The following HUWE1 variants were observed in gnomAD, a reference collection of about 807,000 sequenced individuals.
The protein encoded by HUWE1 is E3 ubiquitin-protein ligase HUWE1.
Under a neutral mutation model 299.4 loss-of-function variants are expected in HUWE1, and 18 were observed. The observed-to-expected ratio is 0.06, with a 90% CI of 0.04 to 0.09. The LOEUF (loss-of-function observed/expected upper bound fraction) is 0.09, where lower values mean the gene tolerates loss of function less well. Among genes scored for constraint, HUWE1 ranks in the 10% least tolerant of loss-of-function variants. The pLI, the probability that HUWE1 is intolerant of heterozygous loss-of-function variation, is 1.00. For missense variants in HUWE1, 1,832 were observed against 3,462.3 expected (o/e 0.53, Z 11.82); for synonymous variants, 1,317 against 1,286.1 (o/e 1.02, Z -0.51).
intron 67 of HUWE1, 30 bp from the exon 68 acceptor site, chrX:53,548,303 C>A (rs1556925216): frequency 8.3e-7 from 1 of 1,200,077 alleles, no homozygotes; most frequent in East Asian, 3.0e-5. Flanking sequence ...AAGGCTTGGT[C>A]TAGGACGTCT....
At chrX:53,646,365 C>T in intron 6 of HUWE1, among the ~76,000 whole-genome samples, 1 of 110,864 alleles carries the variant, frequency 9.0e-6, no homozygotes, top group South Asian at 3.9e-4. Context: ...ACTATGTTGC[C>T]CAGACTGGTC....
chrX:53,656,945 A>G (rs1244631942), intron 3 of HUWE1, among the ~76,000 whole-genome samples: 1 of 111,666 alleles, frequency 9.0e-6, no homozygotes, highest in Non-Finnish European at 1.9e-5. Flanking sequence ...TCAGTCAAGG[A>G]AAGATAGTTT....
Position 53,547,840 on chromosome X carries a change from G to A in HUWE1, c.10469C>T (p.Thr3490Ile). 1 of 1,200,415 alleles carries A rather than the reference G, an allele frequency of 8.3e-7. No individual in the cohort carries two copies. The highest frequency in any genetic ancestry group is 3.0e-5 in the East Asian group (1 of 33,518). ...ASSTTTATSTTSTTTTTAAST... is the reference protein window; with the variant it reads ...ASSTTTATSTISTTTTTAAST... The stretch of plus-strand genomic sequence containing the variant: ...GGCGGCAGTGGTGGTGGTGGTAGAT[G>A]TGGTTGAGGTGGCAGTGGTGGTGGA... Residue 3490 changes from threonine to isoleucine, a missense_variant, in exon 68 of 84, where the codon ACA becomes ATA. Physicochemically the swap from Thr to Ile is moderately conservative, Grantham distance 89. This residue lies in a region of HUWE1 where 119 missense variants were observed against 124.6 expected (regional missense o/e 0.96). Coordinates refer to ENST00000262854, the MANE Select transcript of HUWE1 (RefSeq NM_031407.7).
intron 74 of HUWE1, among the ~76,000 whole-genome samples, chrX:53,541,379 G>A (rs782596550): frequency 1.7e-4 from 19 of 111,057 alleles, no homozygotes; most frequent in Middle Eastern, 4.6e-3. Context: ...CTTGAGGTCA[G>A]GAGTTTGAAA....
chrX:53,614,792 GGGA>G (rs1365029203), intron 22 of HUWE1, 47 bp from the exon 23 acceptor site: 23 of 900,481 alleles, frequency 2.6e-5, no homozygotes, highest in East Asian at 1.3e-4. Flanking sequence ...TCATGGAATG[GGGA>G]GGAGGAGACA....
chrX:53,610,648 GT>G (rs1299049921), intron 23 of HUWE1, among the ~76,000 whole-genome samples: 1 of 111,667 alleles, frequency 9.0e-6, no homozygotes, highest in Non-Finnish European at 1.9e-5. Context: ...TGTATATGGG[GT>G]TTTTTGGGAT....
rs2061663207 is a variant in HUWE1, at chrX:53,549,068, C to T, written c.9926G>A (p.Arg3309His). The change falls in exon 67 of 84, where the codon CGT (arginine) becomes CAT (histidine). Residue 3309 changes from arginine to histidine, a missense_variant. Arg to His is a conservative substitution (Grantham distance 29). Transcript: ENST00000262854. ...NIFQIQRSGG[R>H]KHTEKHASGG... ...GCTTGCATGCTTCTCGGTATGTTTA[C>T]GCCCCCCTGAACGCTGGATCTGAAA... 2 of 1,211,123 alleles carry T rather than the reference C, an allele frequency of 1.7e-6. No individual in the cohort carries two copies. Among genetic ancestry groups the T allele is most frequent in the Non-Finnish European group, 2.2e-6 (2 of 894,943 alleles).
chrX:53,570,772 C>T lies in HUWE1; in HGVS notation c.6313-945G>A, dbSNP rs140835055. On this transcript the variant is annotated intron_variant, in intron 47 of 83. Coordinates refer to ENST00000262854, the MANE Select transcript of HUWE1 (RefSeq NM_031407.7). ...AATACACTGAACATTTTTGGAACTACATAGGTGACAGTTGCACAACACTGC... is the reference window on the plus strand; with the variant it reads ...AATACACTGAACATTTTTGGAACTATATAGGTGACAGTTGCACAACACTGC... Among the ~76,000 whole-genome samples, 418 of 112,162 alleles carry T rather than the reference C, an allele frequency of 3.7e-3. 2 individuals are homozygous for T. Among genetic ancestry groups the T allele is most frequent in the African/African-American group, 0.013 (401 of 30,914 alleles).
rs782181911 is a variant in HUWE1, at chrX:53,588,463, T to C, written c.4533A>G (p.Ser1511=). 9.9e-6 allele frequency: 12 copies of C among 1,206,564 alleles called. No homozygotes were observed. The East Asian group carries it at 1.8e-4, about 18-fold the overall frequency. The change falls in exon 37 of 84, where the codon TCA becomes TCG. Residue 1511 remains serine, a synonymous_variant. Coordinates refer to ENST00000262854, the MANE Select transcript of HUWE1 (RefSeq NM_031407.7). The part of the protein sequence containing the change: ...PLTTSDTKTV[S]EWISQMATLP... ...GTGTGGCCATCTGACTTATCCACTC[T>C]GACACGGTTTTTGTGTCACTTGTTG...
chrX:53,576,242 A>T (rs1390489594), intron 44 of HUWE1, among the ~76,000 whole-genome samples: 1 of 112,051 alleles, frequency 8.9e-6, no homozygotes, highest in African/African-American at 3.3e-5. Context: ...GCATTCATCA[A>T]TTTTTGGCAA....
At chrX:53,604,234 G>A (rs1250133730) in intron 26 of HUWE1, among the ~76,000 whole-genome samples, 2 of 111,868 alleles carry the variant, frequency 1.8e-5, no homozygotes, top group African/African-American at 6.5e-5. Context: ...TTAGTAATTT[G>A]TTAATTACTA....
Position 53,558,752 on chromosome X carries a change from T to C in HUWE1, c.8063A>G (p.Glu2688Gly). Residue 2688 changes from glutamate to glycine, a missense_variant, in exon 59 of 84, where the codon GAA (glutamate) becomes GGA (glycine). Glu to Gly is a moderately conservative substitution (Grantham distance 98). Around this residue, in one of 15 missense-constraint regions of HUWE1, gnomAD observed 170 missense variants for 335.8 expected, o/e 0.51. Transcript: ENST00000262854. The part of the protein sequence containing the change: ...LEFLRDEELE[E>G]RREKRRKQLA... ...TTGTTTCCTGCGCTTCTCTCGCCTT[T>C]CTTCCAGCTCCTCATCCCTCAGGAA... 2 of 1,211,347 alleles carry C rather than the reference T, an allele frequency of 1.7e-6. No individual in the cohort carries two copies. Among genetic ancestry groups the C allele is most frequent in the Non-Finnish European group, 2.2e-6 (2 of 894,938 alleles).
chrX:53,653,190 ATGTTAT>A (rs2068572915), intron 4 of HUWE1, among the ~76,000 whole-genome samples: 1 of 112,270 alleles, frequency 8.9e-6, no homozygotes, highest in Non-Finnish European at 1.9e-5. Flanking sequence ...ATGCAGCAAA[ATGTTAT>A]TGTTATCTTT....
intron 4 of HUWE1, among the ~76,000 whole-genome samples, chrX:53,651,440 A>G (rs1382196876): frequency 9.0e-6 from 1 of 111,552 alleles, no homozygotes; most frequent in African/African-American, 3.3e-5. Context: ...ACCAAAATCT[A>G]TGCTGCTCAT....
intron 11 of HUWE1, 40 bp downstream of exon 11, chrX:53,631,374 A>T: frequency 9.9e-7 from 1 of 1,011,441 alleles, no homozygotes. Flanking sequence ...CTATTTAGAT[A>T]ACAACCACAT....
intron 34 of HUWE1, 51 bp from the exon 35 acceptor site, chrX:53,590,550 A>G (rs2064102629): frequency 1.1e-6 from 1 of 884,374 alleles, no homozygotes; most frequent in Non-Finnish European, 1.7e-6. Context: ...AAACAAAGAA[A>G]CCCAACAAGA....
intron 3 of HUWE1, among the ~76,000 whole-genome samples, chrX:53,678,290 T>A (rs959371855): frequency 8.9e-6 from 1 of 112,149 alleles, no homozygotes; most frequent in African/African-American, 3.2e-5. Flanking sequence ...GATTTCTATA[T>A]CCAGAAGACC....
chrX:53,589,671 C>T lies in HUWE1; in HGVS notation c.4337G>A (p.Gly1446Asp). 1 of 1,211,637 alleles carries T rather than the reference C, an allele frequency of 8.3e-7. No individual in the cohort carries two copies. The highest frequency in any genetic ancestry group is 1.1e-6 in the Non-Finnish European group (1 of 895,473). ...LHTFTDTMLP[G>D]CFHLLDELPD... is the part of the protein sequence containing the mutation. ...CAGCTCATCAAGAAGGTGGAAGCAG[C>T]CTGGCAACATAGTATCTGTGAAAGT... The change falls in exon 36 of 84, where the codon GGC becomes GAC. Residue 1446 changes from glycine to aspartate, a missense_variant. Gly to Asp is a moderately conservative substitution (Grantham distance 94). Around this residue, in one of 15 missense-constraint regions of HUWE1, gnomAD observed 658 missense variants for 1,282.6 expected, o/e 0.51. Transcript: ENST00000262854.
rs1292721332 is a variant in HUWE1, at chrX:53,546,966, C to A, written c.10637-141G>T. The A allele has an allele frequency of 4.0e-6, 3 of 753,849 alleles. No homozygotes were observed. The Admixed American group carries it at 8.4e-5, about 21-fold the overall frequency. 62.1% of individuals were successfully genotyped at this position (753,849 alleles called of 1,213,427 possible). On this transcript the variant is annotated intron_variant, in intron 68 of 83. Transcript: ENST00000262854. ...AAAAAGAAAACCCACCCACCAAAGG[C>A]AAATCTAAATGACTTGGGATGATAA...
Sources: allele counts gnomAD v4.1 joint callset (sites outside exome capture counted in the v4.1 genomes callset), GRCh38; gene constraint gnomAD v4.1.1; regional missense constraint gnomAD v4.1.1; transcripts MANE v1.5; gene names NCBI Gene and HGNC (gene_info 2026-07-23, HGNC 2026-07-21).